The following MYO5B variants were observed in gnomAD, a reference collection of about 807,000 sequenced individuals.
The protein encoded by MYO5B is unconventional myosin-Vb.
In MYO5B, 143 loss-of-function variants were observed where a neutral mutation model predicts 229.3. The observed-to-expected ratio is 0.62, with a 90% confidence interval of 0.54 to 0.72. MYO5B has a LOEUF of 0.72. Ranked by LOEUF, MYO5B falls within the 30% of genes least tolerant of loss-of-function variation. The pLI is 0.00. For synonymous variants in MYO5B, 918 were observed against 885.2 expected, an observed-to-expected ratio of 1.04 and a Z score of -0.66; for missense variants, 2,321 against 2,331.0, an observed-to-expected ratio of 1.00 and a Z score of 0.09.
At chr18:49,940,951 T>A (rs2025307024) in intron 14 of MYO5B, among the ~76,000 whole-genome samples, 2 of 152,214 alleles carry the variant, frequency 1.3e-5, no homozygotes. Context: ...TCCTCTTACC[T>A]CATTCTTAGT....
At chr18:49,903,055 T>A (rs556284181) in intron 20 of MYO5B, among the ~76,000 whole-genome samples, 1 of 152,218 alleles carries the variant, frequency 6.6e-6, no homozygotes, top group Admixed American at 6.5e-5. Context: ...GCTGTCAAAC[T>A]CTTTTCAGCT....
At chr18:50,081,593 T>G (rs2031223049) in intron 1 of MYO5B, among the ~76,000 whole-genome samples, 1 of 152,248 alleles carries the variant, frequency 6.6e-6, no homozygotes, top group Non-Finnish European at 1.5e-5. Flanking sequence ...ACTTTGGGGC[T>G]GATTTCAGTG....
At chr18:49,882,966 A>T (rs2024604787) in intron 22 of MYO5B, among the ~76,000 whole-genome samples, 1 of 152,256 alleles carries the variant, frequency 6.6e-6, no homozygotes. Context: ...TCTTATGAAC[A>T]TAGATTCAAA....
At chr18:49,921,206 T>G (rs867529544) in intron 17 of MYO5B, among the ~76,000 whole-genome samples, 1 of 152,060 alleles carries the variant, frequency 6.6e-6, no homozygotes, top group Non-Finnish European at 1.5e-5. Context: ...AGTGCCACTT[T>G]TATGAAGTGA....
At chr18:50,135,274 G>A (rs1167635234) in intron 1 of MYO5B, among the ~76,000 whole-genome samples, 1 of 152,198 alleles carries the variant, frequency 6.6e-6, no homozygotes, top group Non-Finnish European at 1.5e-5. Context: ...AAGCCTGCTT[G>A]CTTTGAGGTT....
At chr18:49,972,665 A>G (rs943276923) in intron 10 of MYO5B, among the ~76,000 whole-genome samples, 4 of 152,162 alleles carry the variant, frequency 2.6e-5, no homozygotes, top group African/African-American at 4.8e-5. Flanking sequence ...GGGATATCCA[A>G]TTACCTGAAA....
intron 5 of MYO5B, among the ~76,000 whole-genome samples, chr18:49,997,378 T>C (rs1170449575): frequency 2.2e-5 from 3 of 133,880 alleles, no homozygotes. Context: ...TCTTTTTTTT[T>C]TTTTTTTTTT....
At chr18:49,997,369 C>CTTTTTTTTTTTTTTTTTTT (rs34011258) in intron 5 of MYO5B, among the ~76,000 whole-genome samples, 26 of 60,354 alleles carry the variant, frequency 4.3e-4, no homozygotes, top group African/African-American at 1.8e-3. Flanking sequence ...TCCTTTCTTT[C>CTTTTTTTTTTTTTTTTTTT]TTTTTTTTTT....
chr18:50,059,965 A>T (rs545014136), intron 1 of MYO5B, among the ~76,000 whole-genome samples: 1 of 152,342 alleles, frequency 6.6e-6, no homozygotes, highest in Non-Finnish European at 1.5e-5. Flanking sequence ...TGAACTAAGA[A>T]GGGAGAGACA....
chr18:49,914,191 C>A (rs899034334), intron 17 of MYO5B, among the ~76,000 whole-genome samples: 4 of 152,184 alleles, frequency 2.6e-5, no homozygotes, highest in African/African-American at 9.6e-5. Context: ...GAGTCGCAGG[C>A]TCCCACCCCT....
chr18:49,984,831 G>A lies in MYO5B; in HGVS notation c.839-6C>T, dbSNP rs769027963. On this transcript the variant is annotated splice_polypyrimidine_tract_variant and splice_region_variant and intron_variant, in intron 7 of 39. Coordinates refer to ENST00000285039, the MANE Select transcript of MYO5B (RefSeq NM_001080467.3). The stretch of plus-strand genomic sequence containing the variant: ...GAAAAAGTCCTCTGCACTTGCTGTG[G>A]GAGGCGAGGAAATAAGGCATGAGGC... 1 of 1,581,680 alleles carries A rather than the reference G, an allele frequency of 6.3e-7. No homozygotes were observed. The highest frequency in any genetic ancestry group is 8.7e-7 in the Non-Finnish European group (1 of 1,150,408).
chr18:49,978,745 A>ACAC (rs1871979069), intron 9 of MYO5B, among the ~76,000 whole-genome samples: 2 of 138,458 alleles, frequency 1.4e-5, no homozygotes, highest in East Asian at 2.2e-4. Context: ...ACACACACAC[A>ACAC]AAATGCTCAG....
In MYO5B at chr18:49,969,498, T is replaced by C. The variant is rs574099039; in HGVS notation, c.1322+4852A>G. The stretch of plus-strand genomic sequence containing the variant: ...ATATGTAACAACTTGTAAATGAATA[T>C]GTAAAACACATTCCGCCTGCTCCCA... On this transcript the variant is annotated intron_variant, in intron 10 of 39. Coordinates refer to ENST00000285039, the MANE Select transcript of MYO5B (RefSeq NM_001080467.3). Among the ~76,000 whole-genome samples, 9 of 152,330 alleles carry C rather than the reference T, an allele frequency of 5.9e-5. No homozygotes were observed. The South Asian group carries it at 1.7e-3, about 28-fold the overall frequency.
In MYO5B at chr18:49,992,444, G is replaced by A. The variant is rs913619527; in HGVS notation, c.613-13C>T. ...CATTTCCAATGGCCTGCACAGACCAGACAGACAAAGGTATGAAAAAAAAAG... is the reference window on the plus strand; with the variant it reads ...CATTTCCAATGGCCTGCACAGACCAAACAGACAAAGGTATGAAAAAAAAAG... On this transcript the variant is annotated splice_polypyrimidine_tract_variant and intron_variant, in intron 5 of 39. Coordinates refer to ENST00000285039, the MANE Select transcript of MYO5B (RefSeq NM_001080467.3). 2.5e-5 allele frequency: 40 copies of A among 1,613,840 alleles called. No homozygotes were observed. The highest frequency in any genetic ancestry group is 2.9e-5 in the Non-Finnish European group (34 of 1,179,970).
At chr18:50,150,881 T>A (rs562971256) in intron 1 of MYO5B, among the ~76,000 whole-genome samples, 1 of 152,180 alleles carries the variant, frequency 6.6e-6, no homozygotes, top group African/African-American at 2.4e-5. Flanking sequence ...CCACAACATA[T>A]AGCTGAAAAT....
At position 50,172,694 on chromosome 18, in the gene MYO5B, C is replaced by T. The variant is rs76532004; in HGVS notation, c.27+22073G>A. ...CATGTATCCTAGGCACTGGAGACTCCGCAGTGAACAGGACAAGTGCTGCTC... is the reference window on the plus strand; with the variant it reads ...CATGTATCCTAGGCACTGGAGACTCTGCAGTGAACAGGACAAGTGCTGCTC... On this transcript the variant is annotated intron_variant, in intron 1 of 39. Coordinates refer to ENST00000285039, the MANE Select transcript of MYO5B (RefSeq NM_001080467.3). Among the ~76,000 whole-genome samples the T allele has an allele frequency of 6.7e-3, 1,020 of 152,292 alleles. 4 individuals carry two copies. The highest frequency in any genetic ancestry group is 0.011 in the Non-Finnish European group (752 of 68,022).
chr18:49,908,616 G>A (rs1056511707), intron 18 of MYO5B, among the ~76,000 whole-genome samples: 3 of 152,114 alleles, frequency 2.0e-5, no homozygotes, highest in Non-Finnish European at 2.9e-5. Flanking sequence ...CTTGTGCTCC[G>A]TTGGCTCCCT....
intron 1 of MYO5B, among the ~76,000 whole-genome samples, chr18:50,142,382 A>T (rs1279230862): frequency 6.6e-6 from 1 of 152,206 alleles, no homozygotes; most frequent in Non-Finnish European, 1.5e-5. Context: ...GTTAAACTGT[A>T]AGGAAGTGCA....
chr18:49,992,259 C>A, intron 6 of MYO5B, 29 bp downstream of exon 6: 2 of 1,614,070 alleles, frequency 1.2e-6, no homozygotes, highest in Non-Finnish European at 1.7e-6. Context: ...ATGAGAAATA[C>A]ACAAAAGGGC....
Sources: gnomAD v4.1 joint callset for allele counts (sites outside exome capture counted in the v4.1 genomes callset) on GRCh38, gnomAD v4.1.1 for gene constraint, MANE v1.5 for transcripts, NCBI Gene and HGNC (gene_info 2026-07-23, HGNC 2026-07-21) for gene names.